HIVEP2: variants seen among roughly 807,000 people sequenced by gnomAD.
HIVEP2 encodes the protein transcription factor HIVEP2.
HIVEP2 carries 14 observed loss-of-function variants against 180.7 expected under a neutral mutation model. The ratio of observed to expected loss-of-function variants is 0.08; its 90% CI spans 0.05 to 0.12. The LOEUF is 0.12. Among genes scored for constraint, HIVEP2 ranks in the 10% least tolerant of loss-of-function variants. The pLI, the probability that HIVEP2 is intolerant of heterozygous loss-of-function variation, is 1.00. For synonymous variants in HIVEP2, 1,184 were observed against 1,136.4 expected, an observed-to-expected ratio of 1.04 and a Z score of -0.84; for missense variants, 2,579 against 3,008.5, an observed-to-expected ratio of 0.86 and a Z score of 3.34.
Position 142,774,589 on chromosome 6 carries a change from T to C in HIVEP2, c.150A>G (p.Ile50Met). The C allele has an allele frequency of 6.2e-7, 1 of 1,614,236 alleles. No individual in the cohort carries two copies. The highest frequency in any genetic ancestry group is 8.5e-7 in the Non-Finnish European group (1 of 1,180,042). Residue 50 changes from isoleucine (I) to methionine (M), a missense_variant, in exon 5 of 10, where the codon ATA (isoleucine) becomes ATG (methionine). By Grantham distance (10) the Ile-to-Met change is conservative. This residue lies in a region of HIVEP2 where 207 missense variants were observed against 210.1 expected (regional missense o/e 0.99). Transcript: ENST00000367603. The surrounding 1 kb of genome is among the most constrained non-coding windows in gnomAD (Gnocchi z 5.1). ...GSHEGQRQPQ[I>M]EPEQIGNTAS... ...CTGTGTTTCCGATTTGCTCAGGCTC[T>C]ATTTGTGGTTGCCGCTGTCCTTCAT...
At chr6:142,811,106 A>C (rs1205524574) in intron 2 of HIVEP2, among the ~76,000 whole-genome samples, 1 of 152,168 alleles carries the variant, frequency 6.6e-6, no homozygotes. Flanking sequence ...CTTCCTGTGT[A>C]AACCAATGTC....
At chr6:142,932,413 T>C (rs1420375621) in intron 1 of HIVEP2, among the ~76,000 whole-genome samples, 1 of 152,182 alleles carries the variant, frequency 6.6e-6, no homozygotes, top group East Asian at 1.9e-4. Flanking sequence ...AGCCAGTTGG[T>C]AAGAGGCTGT....
chr6:142,895,303 T>C (rs1023139462), intron 1 of HIVEP2, among the ~76,000 whole-genome samples: 2 of 152,196 alleles, frequency 1.3e-5, no homozygotes, highest in African/African-American at 4.8e-5. Flanking sequence ...GGTAGAAATG[T>C]TTTTTTCAGG....
chr6:142,878,629 C>T (rs1470946043), intron 1 of HIVEP2, among the ~76,000 whole-genome samples: 1 of 152,138 alleles, frequency 6.6e-6, no homozygotes, highest in Admixed American at 6.5e-5. Context: ...CAGGGAAGTA[C>T]AGAGTGTTTT....
intron 1 of HIVEP2, among the ~76,000 whole-genome samples, chr6:142,878,180 G>A (rs1189324575): frequency 1.3e-5 from 2 of 152,092 alleles, no homozygotes; most frequent in African/African-American, 2.4e-5. Context: ...AAAAAACTCT[G>A]TCAAAATCCA....
At chr6:142,909,214 C>T (rs1777341303) in intron 1 of HIVEP2, among the ~76,000 whole-genome samples, 1 of 151,978 alleles carries the variant, frequency 6.6e-6, no homozygotes, top group Non-Finnish European at 1.5e-5. Flanking sequence ...TATTAAAGAA[C>T]AATTAACTAT....
At chr6:142,859,049 A>G (rs1033212506) in intron 1 of HIVEP2, among the ~76,000 whole-genome samples, 2 of 152,168 alleles carry the variant, frequency 1.3e-5, no homozygotes, top group Non-Finnish European at 2.9e-5. Flanking sequence ...TAAACATTTG[A>G]TGGGTGTTGT....
chr6:142,770,871 G>A lies in HIVEP2; in HGVS notation c.3868C>T (p.Pro1290Ser). 1 of 1,614,188 alleles carries A rather than the reference G, an allele frequency of 6.2e-7. No individual in the cohort carries two copies. Among genetic ancestry groups the A allele is most frequent in the Non-Finnish European group, 8.5e-7 (1 of 1,180,034 alleles). ...PCYSGASGLH[P>S]KNLLPKFPSD... ...GGAAACTTTGGAAGAAGGTTCTTTG[G>A]GTGTAGCCCTGATGCTCCTGAATAA... The change falls in exon 5 of 10, where the codon CCA becomes TCA. Residue 1290 changes from proline (P) to serine (S), a missense_variant. Physicochemically the swap from Pro to Ser is moderately conservative, Grantham distance 74 (BLOSUM62 -1). Coordinates refer to ENST00000367603, the MANE Select transcript of HIVEP2 (RefSeq NM_006734.4). The surrounding 1 kb of genome is among the most constrained non-coding windows in gnomAD (Gnocchi z 4.7).
intron 1 of HIVEP2, among the ~76,000 whole-genome samples, chr6:142,901,308 G>A (rs1054810176): frequency 2.0e-5 from 3 of 152,044 alleles, no homozygotes; most frequent in Non-Finnish European, 2.9e-5. Context: ...CACATAAAAC[G>A]TCGCATAACC....
intron 1 of HIVEP2, among the ~76,000 whole-genome samples, chr6:142,936,853 G>C (rs372165354): frequency 7.0e-6 from 1 of 143,424 alleles, no homozygotes; most frequent in African/African-American, 2.6e-5. Context: ...TACTATTTTT[G>C]TCTATTGATG....
At chr6:142,923,106 G>A (rs1263962420) in intron 1 of HIVEP2, among the ~76,000 whole-genome samples, 5 of 152,128 alleles carry the variant, frequency 3.3e-5, no homozygotes, top group Admixed American at 6.5e-5. Flanking sequence ...AGGCCAAGGC[G>A]GGTGGATCAC....
intron 1 of HIVEP2, among the ~76,000 whole-genome samples, chr6:142,900,520 G>A (rs1292052784): frequency 1.3e-5 from 2 of 152,140 alleles, no homozygotes; most frequent in East Asian, 3.8e-4. Flanking sequence ...TCTACATGAA[G>A]GCTGCAATTA....
chr6:142,875,458 T>C (rs2128413696), intron 1 of HIVEP2, among the ~76,000 whole-genome samples: 1 of 152,262 alleles, frequency 6.6e-6, no homozygotes, highest in South Asian at 2.1e-4. Flanking sequence ...AGGGAGGGTA[T>C]TATATAATTT....
chr6:142,867,010 G>C (rs938977755), intron 1 of HIVEP2, among the ~76,000 whole-genome samples: 1 of 152,172 alleles, frequency 6.6e-6, no homozygotes, highest in Non-Finnish European at 1.5e-5. Context: ...AGGGTTATAA[G>C]AAATCTTAGG....
At chr6:142,786,931 G>A (rs1776012462) in intron 2 of HIVEP2, among the ~76,000 whole-genome samples, 1 of 152,120 alleles carries the variant, frequency 6.6e-6, no homozygotes, top group Non-Finnish European at 1.5e-5. Context: ...GAGAAGAGCT[G>A]ATAAGGTAAA....
At chr6:142,820,465 T>A (rs937379757) in intron 2 of HIVEP2, among the ~76,000 whole-genome samples, 4 of 152,186 alleles carry the variant, frequency 2.6e-5, no homozygotes, top group African/African-American at 9.7e-5. Context: ...CCAAACATTT[T>A]CAGATCTGGA....
At position 142,931,892 on chromosome 6, in the gene HIVEP2, A is replaced by G. The variant is rs528281826; in HGVS notation, c.-641+13207T>C. ...ATGAGTCCTTAGACCATATATCCCT[A>G]TCTTCCTAACTTTCTCACCAACATT... On this transcript the variant is annotated intron_variant, in intron 1 of 9. Transcript: ENST00000367603. Among the ~76,000 whole-genome samples the G allele has an allele frequency of 1.6e-3, 238 of 152,312 alleles. 2 individuals carry two copies. The Middle Eastern group carries it at 0.02, about 13-fold the overall frequency.
Position 142,770,274 on chromosome 6 carries a change from G to T in HIVEP2, c.4465C>A (p.Arg1489Ser), listed in dbSNP as rs768721723. 1 of 1,614,198 alleles carries T rather than the reference G, an allele frequency of 6.2e-7. No homozygotes were observed. The highest frequency in any genetic ancestry group is 2.2e-5 in the East Asian group (1 of 44,866). ...CGAACCAGCTGGGGTTTCTGGGGGC[G>T]GGAGAGGTCCTTTTTGATGTCTGAG... ...TNSDIKKDLSRPQKPQLVRQG... is the reference protein window; with the variant it reads ...TNSDIKKDLSSPQKPQLVRQG... Residue 1489 changes from arginine to serine, a missense_variant, in exon 5 of 10, where the codon CGC becomes AGC. Around this residue, in one of 11 missense-constraint regions of HIVEP2, gnomAD observed 349 missense variants for 367.2 expected, o/e 0.95. Transcript: ENST00000367603. The surrounding 1 kb of genome is among the most constrained non-coding windows in gnomAD (Gnocchi z 4.7).
At chr6:142,912,041 G>C (rs1201245051) in intron 1 of HIVEP2, among the ~76,000 whole-genome samples, 1 of 152,218 alleles carries the variant, frequency 6.6e-6, no homozygotes, top group African/African-American at 2.4e-5. Context: ...TCCATACTGG[G>C]TTAGTGACAG....
Sources: gnomAD v4.1 joint callset for allele counts (sites outside exome capture counted in the v4.1 genomes callset) on GRCh38, gnomAD v4.1.1 for gene constraint, gnomAD v4.1.1 regional missense constraint, Gnocchi (gnomAD v3.1) non-coding constraint, MANE v1.5 for transcripts, NCBI Gene and HGNC (gene_info 2026-07-23, HGNC 2026-07-21) for gene names.